Variants in CDH18 observed in about 807,000 individuals in gnomAD.
CDH18 encodes cadherin-18.
Under a neutral mutation model 67.9 loss-of-function variants are expected in CDH18, and 31 were observed. The ratio of observed to expected loss-of-function variants is 0.46; its 90% CI spans 0.34 to 0.62. The LOEUF is 0.62. CDH18 is among the 20% of genes least tolerant of loss of function. CDH18 has a pLI of 0.01. For missense variants in CDH18, 890 were observed against 975.5 expected, an observed-to-expected ratio of 0.91 and a Z score of 1.17; for synonymous variants, 362 against 347.2, an observed-to-expected ratio of 1.04 and a Z score of -0.48.
intron 1 of CDH18, among the ~76,000 whole-genome samples, chr5:20,326,715 T>C (rs1249982843): frequency 6.6e-6 from 1 of 151,458 alleles, no homozygotes; most frequent in Non-Finnish European, 1.5e-5. Context: ...ATTTTTTGTA[T>C]TTTTTTTAGT....
At chr5:19,710,913 A>C (rs1764625195) in intron 5 of CDH18, among the ~76,000 whole-genome samples, 1 of 152,072 alleles carries the variant, frequency 6.6e-6, no homozygotes, top group African/African-American at 2.4e-5. Flanking sequence ...CACATAGATC[A>C]AAGAAATATA....
intron 2 of CDH18, among the ~76,000 whole-genome samples, chr5:19,941,535 A>G (rs1794817357): frequency 6.6e-6 from 1 of 151,958 alleles, no homozygotes; most frequent in Non-Finnish European, 1.5e-5. Context: ...TAATCCCAGA[A>G]CTTTGGGAGG....
At chr5:19,957,433 G>A (rs1292472681) in intron 2 of CDH18, among the ~76,000 whole-genome samples, 1 of 151,616 alleles carries the variant, frequency 6.6e-6, no homozygotes, top group African/African-American at 2.4e-5. Flanking sequence ...ATATCTGTGT[G>A]TGTATATGTG....
At chr5:20,337,375 C>T (rs1015325834) in intron 1 of CDH18, among the ~76,000 whole-genome samples, 1 of 152,192 alleles carries the variant, frequency 6.6e-6, no homozygotes, top group Non-Finnish European at 1.5e-5. Flanking sequence ...CCTTTAGCAG[C>T]ACCCAAGTCG....
rs376903366 is a variant in CDH18 at position 20,092,919 on chromosome 5, T to A, written c.-517-100905A>T. ...TGAGATCACATTTGGTATGACAGAA[T>A]CCTTAAATAAAATTTACTACTGATT... is the stretch of plus-strand genomic sequence containing the variant. On this transcript the variant is annotated intron_variant, in intron 2 of 14. Coordinates refer to the CDH18 transcript ENST00000507958. 2.6e-5 allele frequency among the ~76,000 whole-genome samples: 4 copies of A among 152,300 alleles called. No individual in the cohort carries two copies. The East Asian group carries it at 7.7e-4, about 29-fold the overall frequency.
At chr5:20,181,543 TC>T (rs944412846) in intron 2 of CDH18, among the ~76,000 whole-genome samples, 4 of 152,030 alleles carry the variant, frequency 2.6e-5, no homozygotes, top group Admixed American at 2.6e-4. Flanking sequence ...TCCCAGATGA[TC>T]CCCTGAATCA....
intron 2 of CDH18, among the ~76,000 whole-genome samples, chr5:20,184,534 A>G (rs1737944271): frequency 6.6e-6 from 1 of 152,124 alleles, no homozygotes. Context: ...GTGATAAGAA[A>G]TAATGAAAAT....
At chr5:19,783,485 T>TTAAA (rs1256059496) in intron 3 of CDH18, among the ~76,000 whole-genome samples, 1 of 152,178 alleles carries the variant, frequency 6.6e-6, no homozygotes, top group Non-Finnish European at 1.5e-5. Context: ...TGACAGGAGT[T>TTAAA]TAAATAACTG....
At position 19,808,232 on chromosome 5, in the gene CDH18, G is replaced by T. The variant is rs114083757; in HGVS notation, c.228+30527C>A. On this transcript the variant is annotated intron_variant, in intron 3 of 12. Transcript: ENST00000382275. ...GAAACAAAGAATTCTAGCTGAAAAT[G>T]ATTGATTATATTTAACTTTGTAACT... Among the ~76,000 whole-genome samples, 462 of 151,134 alleles carry T rather than the reference G, an allele frequency of 3.1e-3. 2 individuals are homozygous for T. Among genetic ancestry groups the T allele is most frequent in the African/African-American group, 0.011 (439 of 41,260 alleles).
intron 8 of CDH18, among the ~76,000 whole-genome samples, chr5:19,549,469 T>C (rs758628547): frequency 6.6e-6 from 1 of 152,130 alleles, no homozygotes; most frequent in African/African-American, 2.4e-5. Flanking sequence ...GGTATTTTTA[T>C]AGCAACACAA....
intron 2 of CDH18, among the ~76,000 whole-genome samples, chr5:19,967,590 T>C (rs1797582433): frequency 6.6e-6 from 1 of 152,138 alleles, no homozygotes; most frequent in Admixed American, 6.6e-5. Context: ...TATAAAATCA[T>C]GTTGGTCTCA....
rs563419993 is a variant in CDH18, at chr5:20,327,166, C to T, written c.-579-71661G>A. Among the ~76,000 whole-genome samples the T allele has an allele frequency of 1.4e-4, 22 of 152,130 alleles. No homozygotes were observed. In the East Asian group the frequency reaches 1.9e-3, roughly 13 times the overall value. ...ACCTGTGAAAGAAAATTGAATATTG[C>T]GACCCCAAACTCATTATGCCAAAGG... On this transcript the variant is annotated intron_variant, in intron 1 of 14. Coordinates refer to the CDH18 transcript ENST00000507958.
chr5:20,035,473 G>A (rs1739770107), intron 2 of CDH18, among the ~76,000 whole-genome samples: 1 of 151,998 alleles, frequency 6.6e-6, no homozygotes, highest in South Asian at 2.1e-4. Flanking sequence ...CATGGCTGGG[G>A]AGGCCTCAAG....
At chr5:20,335,720 T>G (rs944297841) in intron 1 of CDH18, among the ~76,000 whole-genome samples, 1 of 152,182 alleles carries the variant, frequency 6.6e-6, no homozygotes, top group African/African-American at 2.4e-5. Flanking sequence ...TTTTCAGAAC[T>G]GGAAGAGTGT....
intron 10 of CDH18, among the ~76,000 whole-genome samples, chr5:19,518,565 G>A (rs1579959964): frequency 6.6e-6 from 1 of 152,146 alleles, no homozygotes; most frequent in South Asian, 2.1e-4. Flanking sequence ...AGATGGAAGA[G>A]CAGACTTGCT....
At chr5:19,960,452 G>A (rs1239916466) in intron 2 of CDH18, among the ~76,000 whole-genome samples, 2 of 150,900 alleles carry the variant, frequency 1.3e-5, no homozygotes, top group African/African-American at 4.9e-5. Context: ...ACGTCTTCAG[G>A]GGCAATAACA....
chr5:19,684,559 T>C (rs1760793914), intron 5 of CDH18, among the ~76,000 whole-genome samples: 1 of 151,266 alleles, frequency 6.6e-6, no homozygotes, highest in Non-Finnish European at 1.5e-5. Flanking sequence ...AAACTATAGC[T>C]TTTTTTCAGA....
At chr5:19,963,395 A>G (rs183572281) in intron 2 of CDH18, among the ~76,000 whole-genome samples, 2 of 152,140 alleles carry the variant, frequency 1.3e-5, no homozygotes, top group African/African-American at 4.8e-5. Context: ...TCCCCACCCA[A>G]ATCTCATCTT....
chr5:19,972,692 A>G (rs1007231995), intron 2 of CDH18, among the ~76,000 whole-genome samples: 1 of 152,000 alleles, frequency 6.6e-6, no homozygotes, highest in Non-Finnish European at 1.5e-5. Context: ...AATTAGTAGA[A>G]CCACTTTGGA....
Sources: gnomAD v4.1 joint callset for allele counts (sites outside exome capture counted in the v4.1 genomes callset) on GRCh38, gnomAD v4.1.1 for gene constraint, MANE v1.5 for transcripts, NCBI Gene and HGNC (gene_info 2026-07-23, HGNC 2026-07-21) for gene names.